FIGN: variants seen among roughly 807,000 people sequenced by gnomAD.
FIGN encodes the protein fidgetin, microtubule severing factor.
A neutral mutation model predicts 51.3 loss-of-function variants in FIGN; 11 were observed. That is an observed-to-expected ratio of 0.21 (90% CI 0.13 to 0.35). FIGN has a LOEUF of 0.35. Among genes scored for constraint, FIGN ranks in the 10% least tolerant of loss-of-function variants. FIGN has a pLI of 1.00. For synonymous variants in FIGN, 407 were observed against 363.2 expected (o/e 1.12, Z -1.37); for missense variants, 857 against 943.6 (o/e 0.91, Z 1.20).
intron 2 of FIGN, among the ~76,000 whole-genome samples, chr2:163,613,234 C>T (rs1373403962): frequency 6.6e-6 from 1 of 151,876 alleles, no homozygotes; most frequent in Non-Finnish European, 1.5e-5. Context: ...TTAACACTTC[C>T]TATTCTGGTA....
At chr2:163,655,013 T>A (rs377052084) in intron 2 of FIGN, among the ~76,000 whole-genome samples, 5 of 152,290 alleles carry the variant, frequency 3.3e-5, no homozygotes, top group African/African-American at 9.6e-5. Context: ...CCTTTTATTG[T>A]AAGACTTTAA....
intron 2 of FIGN, among the ~76,000 whole-genome samples, chr2:163,662,268 T>C (rs921597660): frequency 2.0e-5 from 3 of 152,048 alleles, no homozygotes. Context: ...GCCCTAGAGA[T>C]CTGTGGAATT....
intron 2 of FIGN, among the ~76,000 whole-genome samples, chr2:163,633,066 C>A (rs908726155): frequency 3.3e-5 from 5 of 151,958 alleles, no homozygotes; most frequent in African/African-American, 1.2e-4. Flanking sequence ...CACCTATGGT[C>A]CCAGCTACTG....
At chr2:163,672,377 G>T (rs983285006) in intron 2 of FIGN, among the ~76,000 whole-genome samples, 2 of 152,126 alleles carry the variant, frequency 1.3e-5, no homozygotes, top group East Asian at 3.9e-4. Context: ...AAAGCTAGGA[G>T]ACTAAAGGAT....
chr2:163,627,068 G>C (rs1364781976), intron 2 of FIGN, among the ~76,000 whole-genome samples: 2 of 152,106 alleles, frequency 1.3e-5, no homozygotes, highest in Non-Finnish European at 2.9e-5. Context: ...ATACGATCAA[G>C]AAATGACTAT....
chr2:163,673,660 T>C (rs563008771), intron 2 of FIGN, among the ~76,000 whole-genome samples: 1 of 152,238 alleles, frequency 6.6e-6, no homozygotes, highest in African/African-American at 2.4e-5. Context: ...GAAGCTCAGA[T>C]GGATTAAAAC....
At chr2:163,691,849 TAG>T in intron 2 of FIGN, among the ~76,000 whole-genome samples, 2 of 152,106 alleles carry the variant, frequency 1.3e-5, no homozygotes, top group African/African-American at 4.8e-5. Context: ...AATTTGCAAT[TAG>T]AATAAAGAAC....
At chr2:163,668,023 C>T (rs547404986) in intron 2 of FIGN, among the ~76,000 whole-genome samples, 4 of 149,470 alleles carry the variant, frequency 2.7e-5, no homozygotes, top group Non-Finnish European at 5.9e-5. Context: ...AACCCCCCCC[C>T]CCAAAAAACC....
At chr2:163,687,599 T>C (rs560844802) in intron 2 of FIGN, among the ~76,000 whole-genome samples, 22 of 152,326 alleles carry the variant, frequency 1.4e-4, no homozygotes, top group Non-Finnish European at 2.4e-4. Flanking sequence ...CAGTCAAGAA[T>C]AGAGAATTTA....
intron 2 of FIGN, among the ~76,000 whole-genome samples, chr2:163,677,302 CCATAA>C (rs1200149368): frequency 1.4e-4 from 21 of 152,306 alleles, no homozygotes; most frequent in African/African-American, 4.6e-4. Flanking sequence ...ACATAACTAC[CCATAA>C]CATCCAAGCA....
At chr2:163,640,017 T>C (rs538643802) in intron 2 of FIGN, among the ~76,000 whole-genome samples, 1 of 152,294 alleles carries the variant, frequency 6.6e-6, no homozygotes, top group South Asian at 2.1e-4. Flanking sequence ...ATTACCCTCA[T>C]GAAAAACATT....
At chr2:163,699,387 T>G (rs1462637292) in intron 2 of FIGN, among the ~76,000 whole-genome samples, 2 of 152,156 alleles carry the variant, frequency 1.3e-5, no homozygotes, top group African/African-American at 4.8e-5. Flanking sequence ...ATTTACATGT[T>G]CAAAACCACA....
At chr2:163,623,002 A>T (rs931848339) in intron 2 of FIGN, among the ~76,000 whole-genome samples, 3 of 152,170 alleles carry the variant, frequency 2.0e-5, no homozygotes, top group Non-Finnish European at 4.4e-5. Flanking sequence ...ATAGCACACA[A>T]ATTCCCTAAG....
chr2:163,635,212 G>A (rs373186042), intron 2 of FIGN, among the ~76,000 whole-genome samples: 1 of 152,212 alleles, frequency 6.6e-6, no homozygotes, highest in East Asian at 1.9e-4. Context: ...TACTGAATAA[G>A]ACTCTCATGT....
chr2:163,664,770 C>CT (rs1260242944), intron 2 of FIGN, among the ~76,000 whole-genome samples: 14 of 152,214 alleles, frequency 9.2e-5, no homozygotes, highest in Non-Finnish European at 1.9e-4. Context: ...AACACTCTAG[C>CT]CACAAAAATG....
intron 2 of FIGN, among the ~76,000 whole-genome samples, chr2:163,640,849 A>T (rs1683295337): frequency 6.6e-6 from 1 of 152,208 alleles, no homozygotes; most frequent in Admixed American, 6.5e-5. Context: ...ACTGGTACCT[A>T]TGAATCCTGG....
intron 2 of FIGN, among the ~76,000 whole-genome samples, chr2:163,645,430 A>G (rs1683367907): frequency 6.6e-6 from 1 of 152,206 alleles, no homozygotes; most frequent in Non-Finnish European, 1.5e-5. Context: ...GAATACTTTC[A>G]CAGTGCCCAG....
At chr2:163,651,192 G>A (rs893517111) in intron 2 of FIGN, among the ~76,000 whole-genome samples, 1 of 152,158 alleles carries the variant, frequency 6.6e-6, no homozygotes, top group African/African-American at 2.4e-5. Flanking sequence ...GGCCGGGTGC[G>A]GTGGCTCACG....
rs35790939 is a variant in FIGN, at chr2:163,618,414, CT to C, written c.26-6609del. On this transcript the variant is annotated intron_variant, in intron 2 of 2. Coordinates refer to ENST00000333129, the MANE Select transcript of FIGN (RefSeq NM_018086.4). Reference sequence around the variant, plus strand: ...TCCATTGTATTTGCATAAAACAATGCTTTTTTTTTTTTAAACAATTATGAAG... The same window carrying C: ...TCCATTGTATTTGCATAAAACAATGCTTTTTTTTTTTAAACAATTATGAAG... Among the ~76,000 whole-genome samples the C allele has an allele frequency of 5.1e-3, 735 of 145,458 alleles. 5 individuals are homozygous for C. Among genetic ancestry groups the C allele is most frequent in the East Asian group, 0.021 (105 of 4,982 alleles).
Sources: gnomAD v4.1 joint callset for allele counts (sites outside exome capture counted in the v4.1 genomes callset) on GRCh38, gnomAD v4.1.1 for gene constraint, MANE v1.5 for transcripts, NCBI Gene and HGNC (gene_info 2026-07-23, HGNC 2026-07-21) for gene names.